Variants in NDUFA7 observed in about 807,000 individuals in gnomAD.
NDUFA7 encodes NADH dehydrogenase [ubiquinone] 1 alpha subcomplex subunit 7.
Under a neutral mutation model 14.2 loss-of-function variants are expected in NDUFA7, and 18 were observed. The observed-to-expected ratio is 1.27, with a 90% CI of 0.88 to 1.88. The LOEUF (loss-of-function observed/expected upper bound fraction) is 1.88. Among genes scored for constraint, NDUFA7 ranks in the 40% most tolerant of loss-of-function variants. The probability of loss-of-function intolerance (pLI) is 0.00; values close to 1 mark genes in which losing one functional copy is unlikely to be tolerated. For synonymous variants in NDUFA7, 75 were observed against 62.1 expected, an observed-to-expected ratio of 1.21 and a Z score of -0.98; for missense variants, 172 against 147.3, an observed-to-expected ratio of 1.17 and a Z score of -0.87.
intron 2 of NDUFA7, among the ~76,000 whole-genome samples, chr19:8,317,572 C>T (rs761522910): frequency 1.3e-5 from 2 of 152,152 alleles, no homozygotes; most frequent in Non-Finnish European, 2.9e-5. Context: ...GAGAAGACAG[C>T]AAAAACCGTA....
Position 8,318,663 on chromosome 19 carries a change from C to CAAA in NDUFA7, c.102-2021_102-2019dup, listed in dbSNP as rs35904087. Among the ~76,000 whole-genome samples, 7 of 41,068 alleles carry CAAA rather than the reference C, an allele frequency of 1.7e-4. 2 individuals are homozygous for CAAA. Among genetic ancestry groups the CAAA allele is most frequent in the Non-Finnish European group, 2.8e-4 (6 of 21,370 alleles). The allele number at this position is 41,068 out of a possible 152,430, so 26.9% of individuals were successfully genotyped here. A position where few individuals can be genotyped will look rare whatever the true frequency, so the allele number is the denominator to read the frequency against. ...CCTGGGTCACAGAAACCCAGTCTTA[C>CAAA]AAAAAAAAAAAAAAAAAAAAAAAAA... On this transcript the variant is annotated intron_variant, in intron 2 of 3. Transcript: ENST00000301457.
At chr19:8,312,081 T>G (rs973182820) in intron 3 of NDUFA7, among the ~76,000 whole-genome samples, 1 of 152,180 alleles carries the variant, frequency 6.6e-6, no homozygotes, top group African/African-American at 2.4e-5. Context: ...TCAGGAAGAC[T>G]CAGGCTGGTG....
At chr19:8,309,630 G>A (rs1449537027), downstream of NDUFA7, among the ~76,000 whole-genome samples, 1 of 152,052 alleles carries the variant, frequency 6.6e-6, no homozygotes, top group Non-Finnish European at 1.5e-5. Context: ...TTTGCCCCAA[G>A]CAGAATCCCA....
At chr19:8,316,152 A>AG (rs36168015) in intron 3 of NDUFA7, among the ~76,000 whole-genome samples, 2 of 150,708 alleles carry the variant, frequency 1.3e-5, no homozygotes, top group Non-Finnish European at 1.5e-5. Flanking sequence ...CCGTCTCAAA[A>AG]AAAAAAAAAA....
At chr19:8,308,645 C>T (rs552300079), downstream of NDUFA7, 7 of 311,772 alleles carry the variant, frequency 2.2e-5, 1 homozygote, top group African/African-American at 1.6e-4. Flanking sequence ...CTCAGGCACT[C>T]CGCATTTCCT....
intron 2 of NDUFA7, 118 bp from the exon 3 acceptor site, chr19:8,316,763 C>A (rs1268597708): frequency 1.6e-6 from 2 of 1,289,456 alleles, no homozygotes; most frequent in African/African-American, 3.0e-5. Context: ...CTGGGATAAG[C>A]CACAGGCTGG....
At chr19:8,311,179 C>A, downstream of NDUFA7, 1 of 173,708 alleles carries the variant, frequency 5.8e-6, no homozygotes, top group Non-Finnish European at 1.2e-5. Context: ...CTGTCCTTTG[C>A]CTTCCCCGTT....
At chr19:8,311,002 G>A (rs564186031), downstream of NDUFA7, among the ~76,000 whole-genome samples, 11 of 152,224 alleles carry the variant, frequency 7.2e-5, 1 homozygote, top group East Asian at 7.7e-4. Flanking sequence ...TGACAAGCGC[G>A]AAAACTCTGG....
chr19:8,308,621 T>TAC, downstream of NDUFA7: 3 of 357,050 alleles, frequency 8.4e-6, no homozygotes, highest in Non-Finnish European at 1.0e-5. Flanking sequence ...TTCTTTAATA[T>TAC]GGCAGCCACG....
At chr19:8,316,971 G>C (rs1380419338) in intron 2 of NDUFA7, among the ~76,000 whole-genome samples, 3 of 152,180 alleles carry the variant, frequency 2.0e-5, no homozygotes, top group African/African-American at 7.2e-5. Flanking sequence ...CCCCACGGCT[G>C]AGCTTGGCAG....
chr19:8,314,000 G>A (rs1970206557), intron 3 of NDUFA7, among the ~76,000 whole-genome samples: 2 of 152,158 alleles, frequency 1.3e-5, no homozygotes, highest in Admixed American at 1.3e-4. Flanking sequence ...TTTGAGAGGA[G>A]CCCAAGGTTT....
At chr19:8,309,656 T>C (rs540963997), downstream of NDUFA7, among the ~76,000 whole-genome samples, 6 of 152,032 alleles carry the variant, frequency 3.9e-5, no homozygotes, top group Non-Finnish European at 7.4e-5. Context: ...TCCAGGAAGG[T>C]GTTAGCCTTT....
intron 1 of NDUFA7, 85 bp downstream of exon 1, chr19:8,321,223 T>G: frequency 1.4e-6 from 2 of 1,400,510 alleles, no homozygotes; most frequent in Non-Finnish European, 1.9e-6. Flanking sequence ...GGTCCCGGCT[T>G]AGGAGGGAGG....
chr19:8,316,696 G>T (rs781082313), intron 2 of NDUFA7, 51 bp from the exon 3 acceptor site: 9 of 1,593,078 alleles, frequency 5.6e-6, no homozygotes, highest in Non-Finnish European at 7.7e-6. Flanking sequence ...CACTGTCATG[G>T]CCCCGCTGTG....
intron 3 of NDUFA7, among the ~76,000 whole-genome samples, chr19:8,315,103 C>A (rs1317319891): frequency 1.3e-5 from 2 of 152,146 alleles, no homozygotes; most frequent in African/African-American, 2.4e-5. Flanking sequence ...GAGTCGTCAC[C>A]ACTCCCTAAT....
At position 8,320,877 on chromosome 19, in the gene NDUFA7, G is replaced by A; in HGVS notation, c.81C>T (p.Arg27=). The change falls in exon 2 of 4, where the codon CGC becomes CGT. Residue 27 remains arginine (R), a synonymous_variant. Coordinates refer to ENST00000301457, the MANE Select transcript of NDUFA7 (RefSeq NM_005001.5). ...CTCACCGCTTGGAGATCTCCTGGTA[G>A]CGTAGCTGCAGCTTCCCCTGCAGGT... ...GHDLQGKLQL[R]YQEISKRTQP... 2 of 1,613,776 alleles carry A rather than the reference G, an allele frequency of 1.2e-6. No individual in the cohort carries two copies. Among genetic ancestry groups the A allele is most frequent in the Non-Finnish European group, 1.7e-6 (2 of 1,180,020 alleles).
chr19:8,320,006 C>T (rs181908731), intron 2 of NDUFA7, among the ~76,000 whole-genome samples: 39 of 152,168 alleles, frequency 2.6e-4, no homozygotes, highest in African/African-American at 8.9e-4. Context: ...CCACCACGCC[C>T]GGCTAATTTT....
chr19:8,318,782 C>T (rs1409975027), intron 2 of NDUFA7, among the ~76,000 whole-genome samples: 1 of 149,758 alleles, frequency 6.7e-6, no homozygotes, highest in Admixed American at 6.7e-5. Context: ...ACCATCCTGG[C>T]AAACATGGTG....
intron 2 of NDUFA7, among the ~76,000 whole-genome samples, chr19:8,317,873 A>G (rs1218045847): frequency 1.3e-5 from 2 of 152,074 alleles, no homozygotes; most frequent in African/African-American, 4.8e-5. Context: ...GGGTCTTGCT[A>G]TGTTGCCCAG....
Sources: gnomAD v4.1 joint callset for allele counts (sites outside exome capture counted in the v4.1 genomes callset) on GRCh38, gnomAD v4.1.1 for gene constraint, MANE v1.5 for transcripts, NCBI Gene and HGNC (gene_info 2026-07-23, HGNC 2026-07-21) for gene names.